PCNX3: variants seen among roughly 807,000 people sequenced by gnomAD.
PCNX3 encodes the protein pecanex 3.
PCNX3 carries 58 observed loss-of-function variants against 207.2 expected under a neutral mutation model. The ratio of observed to expected loss-of-function variants is 0.28; its 90% confidence interval spans 0.23 to 0.35. PCNX3 has a LOEUF of 0.35. PCNX3 is among the 10% of genes least tolerant of loss of function. The pLI is 1.00. For missense variants in PCNX3, 2,410 were observed against 2,774.4 expected (o/e 0.87, Z 2.95); for synonymous variants, 1,337 against 1,183.5 (o/e 1.13, Z -2.66).
At position 65,620,922 on chromosome 11, in the gene PCNX3, C is replaced by T. The variant is rs1855059024; in HGVS notation, c.2191C>T (p.Leu731=). 4 of 1,560,170 alleles carry T rather than the reference C, an allele frequency of 2.6e-6. No individual in the cohort carries two copies. Among genetic ancestry groups the T allele is most frequent in the Non-Finnish European group, 3.5e-6 (4 of 1,152,822 alleles). ...LNLLQPRPVV[L]QGMQVRRVPL... ...CCTGCTGCAGCCGAGGCCTGTGGTT[C>T]TGCAGGGCATGCAGGTGCGCCGGGT... is the stretch of plus-strand genomic sequence containing the variant. The change falls in exon 10 of 35, where the codon CTG becomes TTG. Residue 731 remains leucine (L), a synonymous_variant. Coordinates refer to ENST00000355703, the MANE Select transcript of PCNX3 (RefSeq NM_032223.4).
chr11:65,624,544 G>C lies in PCNX3; in HGVS notation c.2790G>C (p.Leu930=). 1.9e-6 allele frequency: 3 copies of C among 1,608,766 alleles called. No homozygotes were observed. The highest frequency in any genetic ancestry group is 2.5e-6 in the Non-Finnish European group (3 of 1,177,578). ...AGGTCAACACCTGCCTCATGTACCT[G>C]CTGGAGCAAATAGATATGCACGGCT... The part of the protein sequence containing the change: ...LPQVNTCLMY[L]LEQIDMHGFG... Residue 930 remains leucine (L), a synonymous_variant, in exon 15 of 35, where the codon CTG becomes CTC. Coordinates refer to ENST00000355703, the MANE Select transcript of PCNX3 (RefSeq NM_032223.4).
rs935976042 is a variant in PCNX3, at chr11:65,625,056, T to C, written c.2919+40T>C. ...CGAGGTGGGGGCATGCTGCAGTGCG[T>C]AAGGGTGGTTGGGGCGGGGCTGTGA... On this transcript the variant is annotated intron_variant, in intron 16 of 34. Transcript: ENST00000355703. This position sits in a 1 kb window ranked among gnomAD's most constrained non-coding sequence, Gnocchi z 5.6. 1.9e-6 allele frequency: 3 copies of C among 1,590,686 alleles called. No homozygotes were observed. The African/African-American group carries it at 4.0e-5, about 21-fold the overall frequency.
chr11:65,624,723 C>T (rs910222663), intron 15 of PCNX3, 142 bp downstream of exon 15: 2 of 938,754 alleles, frequency 2.1e-6, no homozygotes, highest in African/African-American at 1.7e-5. Context: ...TCTCCCCTCT[C>T]CTTCCCTCCC....
At position 65,619,058 on chromosome 11, in the gene PCNX3, G is replaced by A; in HGVS notation, c.1696G>A (p.Val566Met). 1.9e-6 allele frequency: 3 copies of A among 1,588,772 alleles called. No homozygotes were observed. The highest frequency in any genetic ancestry group is 2.6e-6 in the Non-Finnish European group (3 of 1,175,182). ...GGGGGAGCTGCAGGAGGAAGGTGCTGTGGGGGGAGGTGAGTGCTTGCTCTA... is the reference window on the plus strand; with the variant it reads ...GGGGGAGCTGCAGGAGGAAGGTGCTATGGGGGGAGGTGAGTGCTTGCTCTA... ...WRGELQEEGA[V>M]GGAAEETGRR... The change falls in exon 6 of 35, where the codon GTG becomes ATG. Residue 566 changes from valine to methionine, a missense_variant. Coordinates refer to ENST00000355703, the MANE Select transcript of PCNX3 (RefSeq NM_032223.4).
intron 11 of PCNX3, among the ~76,000 whole-genome samples, chr11:65,623,013 C>T (rs1462840679): frequency 6.6e-6 from 1 of 151,802 alleles, no homozygotes; most frequent in Non-Finnish European, 1.5e-5. Context: ...AGAGGGGACA[C>T]AGAGTCCCAG....
chr11:65,625,904 T>C lies in PCNX3; in HGVS notation c.3229T>C (p.Ser1077Pro), dbSNP rs1855361837. The C allele has an allele frequency of 6.2e-7, 1 of 1,612,426 alleles. No homozygotes were observed. Among genetic ancestry groups the C allele is most frequent in the Non-Finnish European group, 8.5e-7 (1 of 1,178,904 alleles). The change falls in exon 20 of 35, where the codon TCG (serine) becomes CCG (proline). Residue 1077 changes from serine (S) to proline (P), a missense_variant and splice_region_variant. Around this residue, in one of 8 missense-constraint regions of PCNX3, gnomAD observed 333 missense variants for 386.8 expected, o/e 0.86. Coordinates refer to ENST00000355703, the MANE Select transcript of PCNX3 (RefSeq NM_032223.4). This position sits in a 1 kb window ranked among gnomAD's most constrained non-coding sequence, Gnocchi z 5.6. ...SASTVFIALK[S>P]VLGFVLYALA... ...AGTCTCTGGCCTCTCCCTCCTGCAG[T>C]CGGTGCTGGGTTTCGTGTTGTACGC...
intron 24 of PCNX3, 122 bp downstream of exon 24, chr11:65,629,070 G>A: frequency 1.4e-6 from 2 of 1,383,966 alleles, no homozygotes; most frequent in Non-Finnish European, 1.9e-6. Flanking sequence ...GTCACAGTGG[G>A]GACACATGAG....
In PCNX3 at chr11:65,623,615, A is replaced by G. The variant is rs1210323736; in HGVS notation, c.2482A>G (p.Ile828Val). 2.5e-6 allele frequency: 4 copies of G among 1,613,916 alleles called. No individual in the cohort carries two copies. The highest frequency in any genetic ancestry group is 1.1e-5 in the South Asian group (1 of 91,088). The change falls in exon 12 of 35, where the codon ATC (isoleucine) becomes GTC (valine). Residue 828 changes from isoleucine (I) to valine (V), a missense_variant. This residue lies in a region of PCNX3 where 177 missense variants were observed against 257.5 expected (regional missense o/e 0.69). Coordinates refer to ENST00000355703, the MANE Select transcript of PCNX3 (RefSeq NM_032223.4). Reference sequence around the variant, plus strand: ...CTGGGTCTTCCAGTTCTGCCTGGTCATCGCCTCCTGCCAGTACTCCTTGCT... The same window carrying G: ...CTGGGTCTTCCAGTTCTGCCTGGTCGTCGCCTCCTGCCAGTACTCCTTGCT... ...DIWVFQFCLVIASCQYSLLKS... is the reference protein window; with the variant it reads ...DIWVFQFCLVVASCQYSLLKS...
rs1855541634 is a variant in PCNX3 at position 65,629,698 on chromosome 11, C to T, written c.4179C>T (p.Gly1393=). 6.4e-7 allele frequency: 1 copy of T among 1,556,340 alleles called. No homozygotes were observed. Among genetic ancestry groups the T allele is most frequent in the Non-Finnish European group, 8.7e-7 (1 of 1,150,400 alleles). Reference sequence around the variant, plus strand: ...TGCACCTCATCGAGGTTGGCAATGGCCTCGTCACCTTCCAGCTGCGTGGCC... The same window carrying T: ...TGCACCTCATCGAGGTTGGCAATGGTCTCGTCACCTTCCAGCTGCGTGGCC... ...ALVHLIEVGN[G]LVTFQLRGLE... The change falls in exon 26 of 35, where the codon GGC becomes GGT. Residue 1393 remains glycine, a synonymous_variant. Coordinates refer to ENST00000355703, the MANE Select transcript of PCNX3 (RefSeq NM_032223.4).
chr11:65,624,730 TC>T, intron 15 of PCNX3, 149 bp downstream of exon 15: 1 of 931,758 alleles, frequency 1.1e-6, no homozygotes. Context: ...TCTCCTTCCC[TC>T]CCCAGGCAAG....
At chr11:65,627,363 C>G in intron 21 of PCNX3, 42 bp from the exon 22 acceptor site, 1 of 1,588,032 alleles carries the variant, frequency 6.3e-7, no homozygotes, top group Non-Finnish European at 8.5e-7. Context: ...CCCACTGCCC[C>G]GGTCCCCTAC....
chr11:65,625,340 T>G lies in PCNX3; in HGVS notation c.3029+60T>G. 4 of 1,592,274 alleles carry G rather than the reference T, an allele frequency of 2.5e-6. No individual in the cohort carries two copies. The highest frequency in any genetic ancestry group is 3.4e-6 in the Non-Finnish European group (4 of 1,169,442). On this transcript the variant is annotated intron_variant, in intron 17 of 34. Coordinates refer to ENST00000355703, the MANE Select transcript of PCNX3 (RefSeq NM_032223.4). The surrounding 1 kb of genome is among the most constrained non-coding windows in gnomAD (Gnocchi z 5.6). ...CCAGTAGGGGTTTGTGGTCTGTGCATGTGCCCGTGACTGGGGCCGGGGGGA... is the reference window on the plus strand; with the variant it reads ...CCAGTAGGGGTTTGTGGTCTGTGCAGGTGCCCGTGACTGGGGCCGGGGGGA...
chr11:65,636,935 G>A lies in PCNX3; in HGVS notation c.6062G>A (p.Arg2021His), dbSNP rs371007942. 6 of 1,565,022 alleles carry A rather than the reference G, an allele frequency of 3.8e-6. No individual in the cohort carries two copies. Among genetic ancestry groups the A allele is most frequent in the East Asian group, 2.4e-5 (1 of 42,048 alleles). The change falls in exon 35 of 35, where the codon CGT (arginine) becomes CAT (histidine). Residue 2021 changes from arginine to histidine, a missense_variant. By Grantham distance (29) the Arg-to-His change is conservative. Around this residue, in one of 8 missense-constraint regions of PCNX3, gnomAD observed 278 missense variants for 245.1 expected, o/e 1.13. Coordinates refer to ENST00000355703, the MANE Select transcript of PCNX3 (RefSeq NM_032223.4). ...GACTGGCCTGCCCCTATTGAGGAGC[G>A]TGAGAGCCCGGCAGCCCAGCCCCTG... The part of the protein sequence containing the change: ...LGDWPAPIEE[R>H]ESPAAQPLLE...
At chr11:65,624,685 C>A in intron 15 of PCNX3, 104 bp downstream of exon 15, 1 of 1,118,700 alleles carries the variant, frequency 8.9e-7, no homozygotes, top group South Asian at 1.4e-5. Context: ...TCTCCTGCGT[C>A]TGTACTGCAG....
Position 65,636,393 on chromosome 11 carries a change from A to C in PCNX3, c.5596A>C (p.Asn1866His). The change falls in exon 34 of 35, where the codon AAT (asparagine) becomes CAT (histidine). Residue 1866 changes from asparagine (N) to histidine (H), a missense_variant and splice_region_variant. This residue lies in a region of PCNX3 where 278 missense variants were observed against 245.1 expected (regional missense o/e 1.13). Coordinates refer to ENST00000355703, the MANE Select transcript of PCNX3 (RefSeq NM_032223.4). ...AHPTPENTAG[N>H]GDQPLPPGPG... ...GCTGTCTTATCTGTCTCCTACAGGC[A>C]ATGGTGACCAACCCCTCCCACCAGG... 2.6e-6 allele frequency: 4 copies of C among 1,563,428 alleles called. No individual in the cohort carries two copies. The highest frequency in any genetic ancestry group is 3.5e-6 in the Non-Finnish European group (4 of 1,154,602).
rs1054736443 is a variant in PCNX3, at chr11:65,616,163, G to A, written c.-149G>A. 9.9e-6 allele frequency: 5 copies of A among 504,032 alleles called. No homozygotes were observed. Among genetic ancestry groups the A allele is most frequent in the African/African-American group, 2.0e-5 (1 of 49,414 alleles). The allele number at this position is 504,032 out of a possible 1,614,324, so 31.2% of individuals were successfully genotyped here. A position where few individuals can be genotyped will look rare whatever the true frequency, so the allele number is the denominator to read the frequency against. ...CCCCGCCCCCTGCTCGCACCCTCGCGCGGCCGAGCCCCCCTCCCCCGCTGG... is the reference window on the plus strand; with the variant it reads ...CCCCGCCCCCTGCTCGCACCCTCGCACGGCCGAGCCCCCCTCCCCCGCTGG... On this transcript the variant is annotated 5_prime_UTR_variant, in exon 1 of 35. Coordinates refer to ENST00000355703, the MANE Select transcript of PCNX3 (RefSeq NM_032223.4).
intron 29 of PCNX3, 132 bp from the exon 30 acceptor site, chr11:65,634,841 G>A (rs1855762522): frequency 7.5e-7 from 1 of 1,330,310 alleles, no homozygotes. Flanking sequence ...CATGGGCAGA[G>A]ATTGGCCTCT....
At position 65,619,744 on chromosome 11, in the gene PCNX3, C is replaced by A. The variant is rs1475892554; in HGVS notation, c.1830-10C>A. On this transcript the variant is annotated splice_polypyrimidine_tract_variant and intron_variant, in intron 7 of 34. Coordinates refer to ENST00000355703, the MANE Select transcript of PCNX3 (RefSeq NM_032223.4). ...CTAGCTGGCGCTGACCTGGGGCTGA[C>A]CCTCTCCAGCAGCCTGCAGGAAGCT... 1 of 1,563,456 alleles carries A rather than the reference C, an allele frequency of 6.4e-7. No individual in the cohort carries two copies. The highest frequency in any genetic ancestry group is 1.8e-5 in the Admixed American group (1 of 54,576).
rs1359213832 is a variant in PCNX3, at chr11:65,635,736, C to T, written c.5392C>T (p.Arg1798Trp). The T allele has an allele frequency of 3.7e-6, 6 of 1,604,946 alleles. No homozygotes were observed. Among genetic ancestry groups the T allele is most frequent in the South Asian group, 2.2e-5 (2 of 89,808 alleles). ...TSLAGSHPQL[R>W]ALWGGPISLG... The stretch of plus-strand genomic sequence containing the variant: ...GCTGGCTGGCAGCCACCCCCAGCTA[C>T]GGGCACTGTGGGGTGGCCCCATCAG... The change falls in exon 32 of 35, where the codon CGG (arginine) becomes TGG (tryptophan). Residue 1798 changes from arginine to tryptophan, a missense_variant. By Grantham distance (101) the Arg-to-Trp change is moderately radical (BLOSUM62 -3). Around this residue, in one of 8 missense-constraint regions of PCNX3, gnomAD observed 59 missense variants for 83.9 expected, o/e 0.70. Coordinates refer to ENST00000355703, the MANE Select transcript of PCNX3 (RefSeq NM_032223.4). The surrounding 1 kb of genome is among the most constrained non-coding windows in gnomAD (Gnocchi z 9.9).
Sources: allele counts gnomAD v4.1 joint callset (sites outside exome capture counted in the v4.1 genomes callset), GRCh38; gene constraint gnomAD v4.1.1; regional missense constraint gnomAD v4.1.1; non-coding constraint Gnocchi (gnomAD v3.1); transcripts MANE v1.5; gene names NCBI Gene and HGNC (gene_info 2026-07-23, HGNC 2026-07-21).